The following FRMD6 variants were observed in gnomAD, a reference collection of about 807,000 sequenced individuals.
The protein encoded by FRMD6 is FERM domain containing 6.
In FRMD6, 37 loss-of-function variants were observed where a neutral mutation model predicts 73.2. That is an observed-to-expected ratio of 0.51 (90% CI 0.39 to 0.66). FRMD6 has a LOEUF of 0.66. Among genes scored for constraint, FRMD6 ranks in the 30% least tolerant of loss-of-function variants. FRMD6 has a pLI of 0.00. For synonymous variants in FRMD6, 273 were observed against 282.2 expected (o/e 0.97, Z 0.33); for missense variants, 714 against 780.5 (o/e 0.91, Z 1.02).
intron 1 of FRMD6, among the ~76,000 whole-genome samples, chr14:51,533,412 T>A (rs1160615242): frequency 1.3e-5 from 2 of 152,220 alleles, no homozygotes; most frequent in African/African-American, 2.4e-5. Context: ...TGAGTTGTCC[T>A]GAATGGCATA....
intron 6 of FRMD6, among the ~76,000 whole-genome samples, chr14:51,706,780 A>T (rs61969852): frequency 0.11 from 16,361 of 152,110 alleles, 1,189 homozygotes; most frequent in Non-Finnish European, 0.16. Flanking sequence ...CTCCCAGTAA[A>T]CTGTTTCTTA....
chr14:51,533,059 G>T (rs1427856972), intron 1 of FRMD6, among the ~76,000 whole-genome samples: 2 of 152,192 alleles, frequency 1.3e-5, no homozygotes, highest in African/African-American at 4.8e-5. Flanking sequence ...AACCAATAAT[G>T]GTCTCTGCCT....
intron 12 of FRMD6, among the ~76,000 whole-genome samples, chr14:51,725,260 A>G (rs1233837155): frequency 5.3e-5 from 8 of 152,200 alleles, no homozygotes; most frequent in Non-Finnish European, 5.9e-5. Flanking sequence ...GTAACTGGCC[A>G]GGACACATGG....
chr14:51,669,163 A>T (rs1466987560), intron 1 of FRMD6, among the ~76,000 whole-genome samples: 2 of 151,912 alleles, frequency 1.3e-5, no homozygotes, highest in African/African-American at 4.8e-5. Flanking sequence ...GCCACTCTAG[A>T]TGCTTTTGTA....
chr14:51,715,869 C>T (rs921037070), intron 10 of FRMD6, among the ~76,000 whole-genome samples: 4 of 152,206 alleles, frequency 2.6e-5, no homozygotes, highest in Non-Finnish European at 5.9e-5. Context: ...TTTACACTGA[C>T]CCACCTTAGT....
intron 2 of FRMD6, chr14:51,584,231 CA>C (rs1888895873): frequency 6.6e-6 from 1 of 152,130 alleles, no homozygotes; most frequent in Non-Finnish European, 1.5e-5. Context: ...AGCCTATTTC[CA>C]ATGTTCCAGG....
chr14:51,584,652 A>G (rs1425688828), intron 2 of FRMD6, among the ~76,000 whole-genome samples: 1 of 152,096 alleles, frequency 6.6e-6, no homozygotes, highest in Non-Finnish European at 1.5e-5. Flanking sequence ...TCAGCATGTG[A>G]GCAAGTCCTT....
chr14:51,537,739 C>T (rs1885976345), intron 1 of FRMD6, among the ~76,000 whole-genome samples: 2 of 152,156 alleles, frequency 1.3e-5, no homozygotes, highest in South Asian at 4.1e-4. Context: ...TTTAAATTTG[C>T]AATTCCCTAA....
chr14:51,704,564 C>T, intron 5 of FRMD6, 185 bp from the exon 6 acceptor site: 2 of 549,740 alleles, frequency 3.6e-6, no homozygotes, highest in Non-Finnish European at 6.4e-6. Flanking sequence ...GTTCTGACCC[C>T]CTGCAACCTC....
At chr14:51,415,656 T>C in the FRMD6 span, among the ~76,000 whole-genome samples, 4 of 152,228 alleles carry the variant, frequency 2.6e-5, no homozygotes, top group Admixed American at 2.6e-4. Context: ...ATCAGGATGA[T>C]GCTGGCCTCA....
intron 2 of FRMD6, among the ~76,000 whole-genome samples, chr14:51,580,095 A>C (rs1469858027): frequency 6.6e-6 from 1 of 151,926 alleles, no homozygotes; most frequent in African/African-American, 2.4e-5. Flanking sequence ...TGTTGTTAGA[A>C]GTTTCTGAAG....
the FRMD6 span, among the ~76,000 whole-genome samples, chr14:51,482,049 G>C: frequency 6.6e-6 from 1 of 152,192 alleles, no homozygotes; most frequent in Admixed American, 6.5e-5. Context: ...AAAAATGTTG[G>C]AAGTTTCAGG....
intron 1 of FRMD6, among the ~76,000 whole-genome samples, chr14:51,496,107 T>C (rs1883276742): frequency 6.6e-6 from 1 of 152,172 alleles, no homozygotes; most frequent in Non-Finnish European, 1.5e-5. Flanking sequence ...CACTCTTGGA[T>C]CACTCACTCT....
chr14:51,724,485 C>T (rs1897832919), intron 12 of FRMD6, among the ~76,000 whole-genome samples: 1 of 152,222 alleles, frequency 6.6e-6, no homozygotes, highest in Admixed American at 6.5e-5. Context: ...CTACTAAAGC[C>T]ATTTGTACTA....
chr14:51,433,405 C>A, the FRMD6 span, among the ~76,000 whole-genome samples: 3 of 152,060 alleles, frequency 2.0e-5, no homozygotes, highest in Non-Finnish European at 4.4e-5. Flanking sequence ...TAGTGATTTT[C>A]CCGGACATAC....
intron 1 of FRMD6, among the ~76,000 whole-genome samples, chr14:51,490,363 G>T (rs900432264): frequency 6.6e-6 from 1 of 152,200 alleles, no homozygotes; most frequent in Non-Finnish European, 1.5e-5. Context: ...GTGAGTGTGT[G>T]CTTGTGTTTC....
chr14:51,582,738 A>C (rs1888798051), intron 2 of FRMD6, among the ~76,000 whole-genome samples: 1 of 152,196 alleles, frequency 6.6e-6, no homozygotes, highest in Non-Finnish European at 1.5e-5. Context: ...TGGTGGTGAG[A>C]AATACAACAA....
chr14:51,467,498 G>C, the FRMD6 span, among the ~76,000 whole-genome samples: 3 of 152,224 alleles, frequency 2.0e-5, no homozygotes, highest in East Asian at 5.8e-4. Context: ...CCCAGACGGG[G>C]TAGCGGCCAG....
intron 1 of FRMD6, among the ~76,000 whole-genome samples, chr14:51,495,650 A>C (rs1181173113): frequency 6.6e-6 from 1 of 152,176 alleles, no homozygotes; most frequent in African/African-American, 2.4e-5. Context: ...TCTCCCTATC[A>C]CTGAGCCTTC....
Sources: gnomAD v4.1 joint callset for allele counts (sites outside exome capture counted in the v4.1 genomes callset) on GRCh38, gnomAD v4.1.1 for gene constraint, MANE v1.5 for transcripts, NCBI Gene and HGNC (gene_info 2026-07-23, HGNC 2026-07-21) for gene names.